The following STK32B variants were observed in gnomAD, a reference collection of about 807,000 sequenced individuals.
STK32B encodes serine/threonine kinase 32B, also known as serine/threonine-protein kinase 32B.
In STK32B, 43 loss-of-function variants were observed where a neutral mutation model predicts 52.6. The observed-to-expected ratio is 0.82, with a 90% confidence interval of 0.64 to 1.05. The LOEUF (loss-of-function observed/expected upper bound fraction) is 1.05. Among genes scored for constraint, STK32B ranks in the 50% least tolerant of loss-of-function variants. The pLI is 0.00. For missense variants in STK32B, 621 were observed against 534.6 expected (o/e 1.16, Z -1.59); for synonymous variants, 238 against 204.3 (o/e 1.17, Z -1.41).
chr4:5,326,290 G>A (rs765343262), intron 3 of STK32B, among the ~76,000 whole-genome samples: 2 of 152,038 alleles, frequency 1.3e-5, no homozygotes, highest in Non-Finnish European at 2.9e-5. Context: ...GTTTTCTTTT[G>A]GGGCATCTAT....
At position 5,469,952 on chromosome 4, in the gene STK32B, C is replaced by T. The variant is rs1271628232; in HGVS notation, c.1106+1882C>T. On this transcript the variant is annotated intron_variant, in intron 11 of 11. Coordinates refer to ENST00000282908, the MANE Select transcript of STK32B (RefSeq NM_018401.3). The surrounding 1 kb of genome is among the most constrained non-coding windows in gnomAD (Gnocchi z 4.7). ...CAAAGAGCATCAGTGATCTTGGGCT[C>T]AGGCAGCCTTCATTCTCTGTGTGTG... Among the ~76,000 whole-genome samples the T allele has an allele frequency of 1.3e-5, 2 of 152,188 alleles. No homozygotes were observed. The highest frequency in any genetic ancestry group is 6.5e-5 in the Admixed American group (1 of 15,286).
chr4:5,333,782 G>T (rs942753464), intron 4 of STK32B, among the ~76,000 whole-genome samples: 1 of 151,804 alleles, frequency 6.6e-6, no homozygotes, highest in Non-Finnish European at 1.5e-5. Flanking sequence ...AGATCAGATA[G>T]TTGTAGATAT....
intron 3 of STK32B, among the ~76,000 whole-genome samples, chr4:5,323,731 T>C (rs1313405541): frequency 6.6e-6 from 1 of 152,096 alleles, no homozygotes; most frequent in African/African-American, 2.4e-5. Flanking sequence ...TTCCGGAGTG[T>C]GTGGAATGCT....
chr4:5,159,463 T>C (rs115186855), intron 2 of STK32B, among the ~76,000 whole-genome samples: 9,195 of 145,540 alleles, frequency 0.063, 618 homozygotes, highest in African/African-American at 0.16. Flanking sequence ...TATATATATA[T>C]ACACACACAC....
intron 2 of STK32B, among the ~76,000 whole-genome samples, chr4:5,167,925 G>A (rs1001609088): frequency 6.6e-6 from 1 of 152,204 alleles, no homozygotes; most frequent in Non-Finnish European, 1.5e-5. Context: ...CGGAGTCTGC[G>A]ACACTCGTGC....
At chr4:5,070,717 A>G (rs929206333) in intron 1 of STK32B, among the ~76,000 whole-genome samples, 1 of 152,192 alleles carries the variant, frequency 6.6e-6, no homozygotes, top group Non-Finnish European at 1.5e-5. Context: ...TGGCGGTTCC[A>G]TTCTCTCAGA....
At chr4:5,477,103 T>C (rs1247724056) in intron 11 of STK32B, among the ~76,000 whole-genome samples, 3 of 152,164 alleles carry the variant, frequency 2.0e-5, no homozygotes, top group Non-Finnish European at 2.9e-5. Context: ...GAAACAAATA[T>C]ACCTTCCAGG....
intron 3 of STK32B, among the ~76,000 whole-genome samples, chr4:5,317,395 TA>T (rs1731138383): frequency 2.6e-5 from 2 of 77,440 alleles, no homozygotes; most frequent in South Asian, 3.3e-4. Flanking sequence ...ATATATATAA[TA>T]TATATAATGT....
intron 3 of STK32B, among the ~76,000 whole-genome samples, chr4:5,228,948 C>T (rs1724057061): frequency 6.6e-6 from 1 of 151,962 alleles, no homozygotes; most frequent in South Asian, 2.1e-4. Context: ...GCTTGGGTGA[C>T]AAGTGCGAAA....
the STK32B span, among the ~76,000 whole-genome samples, chr4:5,035,075 A>C: frequency 6.6e-6 from 1 of 152,202 alleles, no homozygotes; most frequent in African/African-American, 2.4e-5. Context: ...TTTTAGAGGA[A>C]TGTGGAGCCC....
At position 5,280,684 on chromosome 4, in the gene STK32B, C is replaced by G. The variant is rs142909775; in HGVS notation, c.261-50536C>G. Among the ~76,000 whole-genome samples the G allele has an allele frequency of 3.7e-3, 569 of 152,152 alleles. 14 individuals carry two copies. In the East Asian group the frequency reaches 0.071, roughly 19 times the overall value. On this transcript the variant is annotated intron_variant, in intron 3 of 11. Coordinates refer to ENST00000282908, the MANE Select transcript of STK32B (RefSeq NM_018401.3). ...CCGAGGTGGGTGGGTCACTTGAGGTCAGGAGTTCAAAACCAGCCTGGCCAA... is the reference window on the plus strand; with the variant it reads ...CCGAGGTGGGTGGGTCACTTGAGGTGAGGAGTTCAAAACCAGCCTGGCCAA...
chr4:5,376,021 G>A (rs920364147), intron 4 of STK32B, among the ~76,000 whole-genome samples: 1 of 152,100 alleles, frequency 6.6e-6, no homozygotes, highest in African/African-American at 2.4e-5. Flanking sequence ...GTAGATTTGT[G>A]AGTCCAACAC....
intron 4 of STK32B, among the ~76,000 whole-genome samples, chr4:5,348,125 G>A (rs10000083): frequency 0.033 from 5,028 of 152,252 alleles, 144 homozygotes; most frequent in African/African-American, 0.076. Context: ...TAGGCTGTTA[G>A]GAGAGGTTCC....
At chr4:5,026,217 G>A in the STK32B span, among the ~76,000 whole-genome samples, 1 of 152,332 alleles carries the variant, frequency 6.6e-6, no homozygotes, top group South Asian at 2.1e-4. Context: ...CCTGCAAGCT[G>A]TTCAGACAGG....
rs1720513319 is a variant in STK32B, at chr4:5,498,955, C to T, written c.1117C>T (p.Gln373Ter). Residue 373 changes from glutamine (Q) to a stop codon, truncating the protein, a stop_gained, in exon 12 of 12, where the codon CAG becomes TAG. Coordinates refer to ENST00000282908, the MANE Select transcript of STK32B (RefSeq NM_018401.3). LOFTEE classifies it high-confidence loss of function. ...TGTGCTTGTTTGCAGGCTCAGGAGG[C>T]AGCAGGGACAGGGCAGCCAGCTCTT... ...IIFNREKLRR[Q>*]QGQGSQLLDT... is the part of the protein sequence containing the mutation. 1.9e-6 allele frequency: 3 copies of T among 1,612,214 alleles called. No homozygotes were observed. The highest frequency in any genetic ancestry group is 2.5e-6 in the Non-Finnish European group (3 of 1,178,948).
At position 5,434,430 on chromosome 4, in the gene STK32B, GTA is replaced by G. The variant is rs879372609; in HGVS notation, c.563-12241_563-12240del. Among the ~76,000 whole-genome samples, 20 of 127,912 alleles carry G rather than the reference GTA, an allele frequency of 1.6e-4. 1 individual carries two copies. The highest frequency in any genetic ancestry group is 2.6e-4 in the Admixed American group (3 of 11,542). The allele number at this position is 127,912 out of a possible 152,430, so 83.9% of individuals were successfully genotyped here. A position where few individuals can be genotyped will look rare whatever the true frequency, so the allele number is the denominator to read the frequency against. On this transcript the variant is annotated intron_variant, in intron 6 of 11. Transcript: ENST00000282908. ...GAGAGTATATGCTATATGTGTGCATGTATGTGTGTGTGTGTGTGTGTGTGTAT... is the reference window on the plus strand; with the variant it reads ...GAGAGTATATGCTATATGTGTGCATGTGTGTGTGTGTGTGTGTGTGTGTAT...
chr4:5,149,082 C>T (rs1347418168), intron 2 of STK32B, among the ~76,000 whole-genome samples: 1 of 151,656 alleles, frequency 6.6e-6, no homozygotes, highest in East Asian at 1.9e-4. Context: ...TCTTTATTTT[C>T]TTAAAACGCT....
intron 1 of STK32B, among the ~76,000 whole-genome samples, chr4:5,112,233 G>C (rs1714442663): frequency 2.6e-5 from 4 of 152,148 alleles, no homozygotes; most frequent in Non-Finnish European, 4.4e-5. Flanking sequence ...GGTGTCTGCT[G>C]TGAGATTGTA....
chr4:5,075,120 T>C (rs985345175), intron 1 of STK32B, among the ~76,000 whole-genome samples: 1 of 152,160 alleles, frequency 6.6e-6, no homozygotes, highest in Non-Finnish European at 1.5e-5. Flanking sequence ...CTGAAATTAA[T>C]TTTTGTGTAT....
Sources: gnomAD v4.1 joint callset for allele counts (sites outside exome capture counted in the v4.1 genomes callset) on GRCh38, gnomAD v4.1.1 for gene constraint, Gnocchi (gnomAD v3.1) non-coding constraint, MANE v1.5 for transcripts, NCBI Gene and HGNC (gene_info 2026-07-23, HGNC 2026-07-21) for gene names.